Variants in ARL13B observed in about 807,000 individuals in gnomAD.
The protein encoded by ARL13B is ARF like GTPase 13B.
Under a neutral mutation model 56.1 loss-of-function variants are expected in ARL13B, and 36 were observed. The ratio of observed to expected loss-of-function variants is 0.64; its 90% CI spans 0.49 to 0.85. The LOEUF (loss-of-function observed/expected upper bound fraction) is 0.85. Among genes scored for constraint, ARL13B ranks in the 40% least tolerant of loss-of-function variants. The pLI is 0.00. For synonymous variants in ARL13B, 178 were observed against 171.1 expected (o/e 1.04, Z -0.32); for missense variants, 519 against 507.1 (o/e 1.02, Z -0.23).
chr3:94,050,806 GTTTTTC>G lies in ARL13B; in HGVS notation c.1142-8_1142-3del, dbSNP rs748669767. 7 of 1,608,020 alleles carry G rather than the reference GTTTTTC, an allele frequency of 4.4e-6. No individual in the cohort carries two copies. Among genetic ancestry groups the G allele is most frequent in the Admixed American group, 3.3e-5 (2 of 59,934 alleles). Reference sequence around the variant, plus strand: ...CCTTGTTTAACAGTGTTTTTTAAATGTTTTTCTTTTTCTTTAGTTGGCTGGGGAACC... The same window carrying G: ...CCTTGTTTAACAGTGTTTTTTAAATGTTTTTCTTTAGTTGGCTGGGGAACC... On this transcript the variant is annotated splice_polypyrimidine_tract_variant and intron_variant, in intron 8 of 9. Transcript: ENST00000394222.
At chr3:93,988,757 C>T in intron 1 of ARL13B, 2 of 435,694 alleles carry the variant, frequency 4.6e-6, no homozygotes, top group Non-Finnish European at 9.1e-6. Context: ...GCCTGTTTTC[C>T]CTATGCTCCC....
At chr3:93,986,981 A>AT (rs1710500508) in intron 1 of ARL13B, among the ~76,000 whole-genome samples, 1 of 152,102 alleles carries the variant, frequency 6.6e-6, no homozygotes, top group South Asian at 2.1e-4. Flanking sequence ...CTAAAAAAAA[A>AT]GGAATAGCTT....
chr3:93,984,330 T>C (rs1470705959), intron 1 of ARL13B, among the ~76,000 whole-genome samples: 3 of 150,758 alleles, frequency 2.0e-5, no homozygotes, highest in African/African-American at 7.3e-5. Flanking sequence ...CACTCCAGCC[T>C]GGGCGACAGA....
chr3:94,003,806 T>C lies in ARL13B; in HGVS notation c.278T>C (p.Ile93Thr), dbSNP rs1347145193. 2 of 1,613,756 alleles carry C rather than the reference T, an allele frequency of 1.2e-6. No homozygotes were observed. The highest frequency in any genetic ancestry group is 4.5e-5 in the East Asian group (2 of 44,816). The change falls in exon 3 of 10, where the codon ATA becomes ACA. Residue 93 changes from isoleucine (I) to threonine (T), a missense_variant. By Grantham distance (89) the Ile-to-Thr change is moderately conservative (BLOSUM62 -1). Coordinates refer to ENST00000394222, the MANE Select transcript of ARL13B (RefSeq NM_001174150.2). ...TACTATGCTGAATCCTATGGGGTAA[T>C]ATTTGTTGTGGATTCCAGTGATGAA... Reference protein sequence around the residue: ...KNYYAESYGVIFVVDSSDEER... With the variant: ...KNYYAESYGVTFVVDSSDEER...
chr3:93,986,869 C>G (rs1710490587), intron 1 of ARL13B, among the ~76,000 whole-genome samples: 1 of 152,044 alleles, frequency 6.6e-6, no homozygotes, highest in Admixed American at 6.5e-5. Flanking sequence ...ACTTGGGAGG[C>G]TGAGGCAGGA....
At chr3:94,052,342 C>T (rs1284233265) in intron 9 of ARL13B, among the ~76,000 whole-genome samples, 4 of 152,086 alleles carry the variant, frequency 2.6e-5, no homozygotes, top group African/African-American at 9.7e-5. Flanking sequence ...AATTCTTCAG[C>T]TTACTGTAGA....
At chr3:93,985,033 CAAT>C (rs1460506406) in intron 1 of ARL13B, among the ~76,000 whole-genome samples, 1 of 151,832 alleles carries the variant, frequency 6.6e-6, no homozygotes, top group African/African-American at 2.4e-5. Flanking sequence ...ATCAATCAAT[CAAT>C]AAGACTAAAT....
intron 3 of ARL13B, among the ~76,000 whole-genome samples, chr3:94,011,318 G>T (rs899512896): frequency 6.6e-6 from 1 of 152,072 alleles, no homozygotes; most frequent in Non-Finnish European, 1.5e-5. Context: ...AGTAATACGT[G>T]ACTGTGATGG....
At chr3:94,014,930 T>C (rs771277816) in intron 3 of ARL13B, 13 of 1,613,516 alleles carry the variant, frequency 8.1e-6, no homozygotes, top group East Asian at 6.7e-5. Context: ...TTAACTTCTT[T>C]AACTAAATCA....
At chr3:93,980,515 G>A (rs1710159080) in intron 1 of ARL13B, 33 bp downstream of exon 1, 10 of 1,606,740 alleles carry the variant, frequency 6.2e-6, no homozygotes, top group Non-Finnish European at 8.5e-6. Flanking sequence ...GGCCGTCCTA[G>A]GGGTTGGAGA....
intron 5 of ARL13B, among the ~76,000 whole-genome samples, chr3:94,037,557 A>G (rs1480679600): frequency 6.6e-6 from 1 of 152,202 alleles, no homozygotes; most frequent in Admixed American, 6.5e-5. Context: ...CTCTTTATAT[A>G]AAAGACAGAT....
Position 94,053,795 on chromosome 3 carries a change from C to G in ARL13B, c.*532C>G, listed in dbSNP as rs986588839. 6.9e-6 allele frequency: 2 copies of G among 291,694 alleles called. No homozygotes were observed. Among genetic ancestry groups the G allele is most frequent in the South Asian group, 3.3e-5 (1 of 30,406 alleles). 18.1% of individuals were successfully genotyped at this position (291,694 alleles called of 1,614,324 possible). ...TATAGATGATTTGTTTAAATTATAT[C>G]TGGAAAATAGAGTTGATTTACTTTC... On this transcript the variant is annotated 3_prime_UTR_variant, in exon 10 of 10. Transcript: ENST00000394222.
At chr3:93,997,927 A>G (rs2075993832) in intron 2 of ARL13B, among the ~76,000 whole-genome samples, 1 of 152,084 alleles carries the variant, frequency 6.6e-6, no homozygotes, top group Non-Finnish European at 1.5e-5. Context: ...ATGGAGGTTG[A>G]GTGAGCTGGG....
chr3:94,008,014 T>C (rs1278823025), intron 3 of ARL13B, among the ~76,000 whole-genome samples: 2 of 152,198 alleles, frequency 1.3e-5, no homozygotes, highest in Non-Finnish European at 2.9e-5. Context: ...ACTTTACTTC[T>C]TTGGGCTTAG....
chr3:93,999,586 G>A (rs1405212343), intron 2 of ARL13B, among the ~76,000 whole-genome samples: 2 of 152,110 alleles, frequency 1.3e-5, no homozygotes, highest in African/African-American at 2.4e-5. Context: ...TACTCTTTCA[G>A]TTGTTTTTAA....
At chr3:94,046,638 A>G (rs1053406592) in intron 7 of ARL13B, among the ~76,000 whole-genome samples, 1 of 152,074 alleles carries the variant, frequency 6.6e-6, no homozygotes, top group South Asian at 2.1e-4. Flanking sequence ...TGATATGAAC[A>G]TTCATGTACA....
At chr3:94,005,219 A>G (rs1255787724) in intron 3 of ARL13B, among the ~76,000 whole-genome samples, 1 of 152,166 alleles carries the variant, frequency 6.6e-6, no homozygotes, top group Non-Finnish European at 1.5e-5. Flanking sequence ...AGACCTCAGG[A>G]GCTTACATTC....
intron 3 of ARL13B, among the ~76,000 whole-genome samples, chr3:94,027,803 A>G (rs1394350855): frequency 6.6e-6 from 1 of 152,120 alleles, no homozygotes; most frequent in Non-Finnish European, 1.5e-5. Flanking sequence ...TAGTTGAAAT[A>G]TTATAAAGGT....
chr3:94,003,652 G>A lies in ARL13B; in HGVS notation c.131-7G>A. 6.2e-6 allele frequency: 10 copies of A among 1,612,366 alleles called. No homozygotes were observed. Among genetic ancestry groups the A allele is most frequent in the Non-Finnish European group, 8.5e-6 (10 of 1,179,194 alleles). ...GATTTTCTTTTTTTGTGTATCATTT[G>A]TAACAGAATACCCTGAAGATGTAGC... On this transcript the variant is annotated splice_polypyrimidine_tract_variant and splice_region_variant and intron_variant, in intron 2 of 9. Coordinates refer to ENST00000394222, the MANE Select transcript of ARL13B (RefSeq NM_001174150.2).
Sources: allele counts gnomAD v4.1 joint callset (sites outside exome capture counted in the v4.1 genomes callset), GRCh38; gene constraint gnomAD v4.1.1; transcripts MANE v1.5; gene names NCBI Gene and HGNC (gene_info 2026-07-23, HGNC 2026-07-21).